The following SRRM3 variants were observed in gnomAD, a reference collection of about 807,000 sequenced individuals.
SRRM3 encodes the protein serine/arginine repetitive matrix 3.
SRRM3 carries 27 observed loss-of-function variants against 66.2 expected under a neutral mutation model. That is an observed-to-expected ratio of 0.41 (90% CI 0.30 to 0.56). The LOEUF (loss-of-function observed/expected upper bound fraction) is 0.56, where lower values mean the gene tolerates loss of function less well. SRRM3 is among the 20% of genes least tolerant of loss of function. The pLI is 0.32. For missense variants in SRRM3, 918 were observed against 991.9 expected (o/e 0.93, Z 1.00); for synonymous variants, 391 against 414.9 (o/e 0.94, Z 0.70).
chr7:76,260,102 C>A lies in SRRM3; in HGVS notation c.465-15C>A. ...CCCCCCCTCACCGCCCCCACCCCCG[C>A]CCCTTCTCCCCCAGGACCAAGCATT... is the stretch of plus-strand genomic sequence containing the variant. On this transcript the variant is annotated splice_polypyrimidine_tract_variant and intron_variant, in intron 4 of 14. Transcript: ENST00000611745. The A allele has an allele frequency of 7.1e-7, 1 of 1,408,170 alleles. No homozygotes were observed. Among genetic ancestry groups the A allele is most frequent in the Admixed American group, 3.4e-5 (1 of 29,582 alleles). 87.2% of individuals were successfully genotyped at this position (1,408,170 alleles called of 1,614,324 possible).
Position 76,282,821 on chromosome 7 carries a change from A to AGCGGCCCC in SRRM3, c.1545_1552dup (p.His518ArgfsTer84). The AGCGGCCCC allele has an allele frequency of 6.8e-7, 1 of 1,462,394 alleles. No individual in the cohort carries two copies. Among genetic ancestry groups the AGCGGCCCC allele is most frequent in the Non-Finnish European group, 9.0e-7 (1 of 1,112,866 alleles). 90.6% of individuals were successfully genotyped at this position (1,462,394 alleles called of 1,614,324 possible). On this transcript the variant is annotated frameshift_variant, in exon 13 of 15. Transcript: ENST00000611745. LOFTEE classifies it high-confidence loss of function. ...AAATCTCGCTCGCGCTCTGCGGAGA[A>AGCGGCCCC]GCGGCCCCACAGCCCCAGCCGCTCG... is the stretch of plus-strand genomic sequence containing the variant.
rs565219015 is a variant in SRRM3, at chr7:76,213,120, C to A, written c.-40+11053C>A. On this transcript the variant is annotated intron_variant, in intron 1 of 14. Coordinates refer to ENST00000611745, the MANE Select transcript of SRRM3 (RefSeq NM_001110199.3). ...CACCTCTCAGGTTCAAGCAATTCTC[C>A]TGCCTCAGCCTCCCTAGTAGCTGGG... Among the ~76,000 whole-genome samples the A allele has an allele frequency of 2.1e-4, 32 of 149,482 alleles. 1 individual carries two copies. Among genetic ancestry groups the A allele is most frequent in the Non-Finnish European group, 4.3e-4 (29 of 67,704 alleles).
At chr7:76,245,373 T>A (rs1554606069) in intron 2 of SRRM3, among the ~76,000 whole-genome samples, 1 of 152,212 alleles carries the variant, frequency 6.6e-6, no homozygotes, top group Non-Finnish European at 1.5e-5. Context: ...GCTGCCACCA[T>A]GTCTTCTTTT....
intron 10 of SRRM3, among the ~76,000 whole-genome samples, chr7:76,266,241 A>ATTT: frequency 3.3e-5 from 4 of 120,396 alleles, no homozygotes; most frequent in Non-Finnish European, 6.3e-5. Flanking sequence ...TAATATATAT[A>ATTT]AATATTTATA....
At chr7:76,243,523 G>A (rs74604960) in intron 2 of SRRM3, among the ~76,000 whole-genome samples, 12,002 of 152,124 alleles carry the variant, frequency 0.079, 1,128 homozygotes, top group African/African-American at 0.22. Flanking sequence ...CTTGCCTCCA[G>A]CCCACTGACT....
chr7:76,235,920 T>C (rs148786055), intron 2 of SRRM3, among the ~76,000 whole-genome samples: 9,851 of 146,484 alleles, frequency 0.067, 761 homozygotes, highest in African/African-American at 0.19. Flanking sequence ...GCAGGAGAAT[T>C]TCTTGAACCC....
At chr7:76,215,627 T>G (rs1364016041) in intron 1 of SRRM3, among the ~76,000 whole-genome samples, 5 of 101,042 alleles carry the variant, frequency 4.9e-5, no homozygotes, top group South Asian at 2.9e-4. Flanking sequence ...CCAGTCTGGT[T>G]TTTTTTTTTT....
chr7:76,228,003 G>T (rs982963699), intron 1 of SRRM3, among the ~76,000 whole-genome samples: 6 of 152,172 alleles, frequency 3.9e-5, no homozygotes, highest in African/African-American at 1.4e-4. Flanking sequence ...CCAAGTAGCT[G>T]GGATTATAGG....
intron 1 of SRRM3, among the ~76,000 whole-genome samples, chr7:76,206,195 A>G (rs1261306279): frequency 2.6e-5 from 4 of 152,148 alleles, no homozygotes; most frequent in African/African-American, 7.2e-5. Flanking sequence ...TCTTTTAGAG[A>G]TGGGGTCTCA....
intron 3 of SRRM3, among the ~76,000 whole-genome samples, chr7:76,256,422 G>T (rs1246941543): frequency 8.6e-5 from 13 of 151,744 alleles, no homozygotes; most frequent in Admixed American, 8.5e-4. Context: ...CAGGAGAATC[G>T]CTTGAACCCT....
intron 3 of SRRM3, among the ~76,000 whole-genome samples, chr7:76,256,718 T>TC (rs1340779591): frequency 7.2e-6 from 1 of 138,600 alleles, no homozygotes; most frequent in Non-Finnish European, 1.5e-5. Context: ...TTCTTTTTCT[T>TC]TTTTTTTTTT....
intron 1 of SRRM3, among the ~76,000 whole-genome samples, chr7:76,212,937 T>C (rs1173223115): frequency 4.0e-5 from 6 of 151,716 alleles, no homozygotes; most frequent in African/African-American, 1.5e-4. Flanking sequence ...CGTGATGTCC[T>C]GTTCCAATCT....
At chr7:76,209,341 G>T (rs1800375272) in intron 1 of SRRM3, among the ~76,000 whole-genome samples, 1 of 152,200 alleles carries the variant, frequency 6.6e-6, no homozygotes, top group African/African-American at 2.4e-5. Context: ...CTAGAACTAA[G>T]TCGTCCAAAG....
chr7:76,245,591 C>A (rs1801420764), intron 2 of SRRM3, among the ~76,000 whole-genome samples: 1 of 152,184 alleles, frequency 6.6e-6, no homozygotes, highest in South Asian at 2.1e-4. Context: ...TACAAATAAT[C>A]CAATTACATT....
At chr7:76,244,553 G>A (rs1583902525) in intron 2 of SRRM3, among the ~76,000 whole-genome samples, 1 of 148,482 alleles carries the variant, frequency 6.7e-6, no homozygotes, top group Non-Finnish European at 1.5e-5. Context: ...AGTTGAAGAA[G>A]AAGAAGAAGT....
intron 3 of SRRM3, among the ~76,000 whole-genome samples, chr7:76,254,170 ATGTTTTT>A (rs1801649611): frequency 6.7e-6 from 1 of 149,054 alleles, no homozygotes; most frequent in Non-Finnish European, 1.5e-5. Flanking sequence ...GCTAATCTAC[ATGTTTTT>A]TGTTTTTTGG....
intron 3 of SRRM3, among the ~76,000 whole-genome samples, chr7:76,253,637 TAAAATAAAAATA>T (rs1302717321): frequency 4.7e-5 from 7 of 147,904 alleles, no homozygotes; most frequent in African/African-American, 7.5e-5. Flanking sequence ...ATTAAAAAAA[TAAAATAAAAATA>T]AAAATAAAAA....
chr7:76,246,381 T>C (rs1801440285), intron 2 of SRRM3, among the ~76,000 whole-genome samples: 1 of 151,920 alleles, frequency 6.6e-6, no homozygotes, highest in East Asian at 2.0e-4. Flanking sequence ...CTGGCCAACA[T>C]AGTGAAACCC....
In SRRM3 at chr7:76,281,742, G is replaced by T; in HGVS notation, c.1310G>T (p.Gly437Val). 7.5e-7 allele frequency: 1 copy of T among 1,333,734 alleles called. No individual in the cohort carries two copies. Among genetic ancestry groups the T allele is most frequent in the Non-Finnish European group, 9.6e-7 (1 of 1,040,390 alleles). 82.6% of individuals were successfully genotyped at this position (1,333,734 alleles called of 1,614,324 possible). ...AGCAGCGACTCCGGCAGCGGCCGCG[G>T]CGCCCCCGGCCCCGGGCCCGAGCCC... The part of the protein sequence containing the change: ...RSSSDSGSGR[G>V]APGPGPEPGS... Residue 437 changes from glycine (G) to valine (V), a missense_variant, in exon 12 of 15, where the codon GGC becomes GTC. By Grantham distance (109) the Gly-to-Val change is moderately radical. Transcript: ENST00000611745.
Sources: allele counts gnomAD v4.1 joint callset (sites outside exome capture counted in the v4.1 genomes callset), GRCh38; gene constraint gnomAD v4.1.1; transcripts MANE v1.5; gene names NCBI Gene and HGNC (gene_info 2026-07-23, HGNC 2026-07-21).